Variants in OPCML observed in about 807,000 individuals in gnomAD.
OPCML encodes the protein opioid binding protein/cell adhesion molecule like.
In OPCML, 13 loss-of-function variants were observed where a neutral mutation model predicts 37.8. That is an observed-to-expected ratio of 0.34 (90% CI 0.22 to 0.55). OPCML has a LOEUF of 0.55. Ranked by LOEUF, OPCML falls within the 20% of genes least tolerant of loss-of-function variation. The pLI is 0.91. For missense variants in OPCML, 341 were observed against 435.6 expected (o/e 0.78, Z 1.93); for synonymous variants, 176 against 168.8 (o/e 1.04, Z -0.33).
At chr11:132,468,040 G>A (rs1173254240) in intron 4 of OPCML, among the ~76,000 whole-genome samples, 2 of 152,160 alleles carry the variant, frequency 1.3e-5, no homozygotes, top group Non-Finnish European at 2.9e-5. Context: ...CCTACAGGTT[G>A]AAAGGAAGGC....
At chr11:132,499,877 C>G (rs1484545285) in intron 4 of OPCML, among the ~76,000 whole-genome samples, 1 of 152,166 alleles carries the variant, frequency 6.6e-6, no homozygotes, top group Non-Finnish European at 1.5e-5. Context: ...CAAATCTAAG[C>G]CAACATTCGA....
chr11:132,760,515 G>C (rs145816838), intron 2 of OPCML, among the ~76,000 whole-genome samples: 1 of 150,916 alleles, frequency 6.6e-6, no homozygotes. Context: ...AGGATAGTTA[G>C]CTCTTCTTGT....
At chr11:133,362,431 G>A (rs964715327) in intron 1 of OPCML, among the ~76,000 whole-genome samples, 29 of 152,288 alleles carry the variant, frequency 1.9e-4, no homozygotes, top group African/African-American at 7.0e-4. Context: ...AGGACCAGGA[G>A]CCCATCCACC....
chr11:132,664,742 G>A (rs568176981), intron 2 of OPCML, among the ~76,000 whole-genome samples: 1 of 152,170 alleles, frequency 6.6e-6, no homozygotes. Flanking sequence ...GTTACAAATA[G>A]AGCCAACTTC....
chr11:133,428,367 C>A (rs1169879741), intron 1 of OPCML, among the ~76,000 whole-genome samples: 1 of 152,074 alleles, frequency 6.6e-6, no homozygotes, highest in Non-Finnish European at 1.5e-5. Flanking sequence ...CAATACTCTG[C>A]AGAAGTTTTA....
intron 2 of OPCML, among the ~76,000 whole-genome samples, chr11:132,742,797 C>T (rs956484806): frequency 2.0e-5 from 3 of 148,828 alleles, no homozygotes; most frequent in South Asian, 2.1e-4. Flanking sequence ...ATATAATGTA[C>T]AAGTACTCTA....
At chr11:133,238,188 G>A (rs757609801) in intron 1 of OPCML, among the ~76,000 whole-genome samples, 29 of 152,224 alleles carry the variant, frequency 1.9e-4, no homozygotes, top group Non-Finnish European at 3.2e-4. Context: ...TGACAGTCCC[G>A]GATAGCAGGA....
rs1164124044 is a variant in OPCML, at chr11:133,206,356, C to T, written c.62-263346G>A. Among the ~76,000 whole-genome samples the T allele has an allele frequency of 2.6e-5, 4 of 152,114 alleles. No individual in the cohort carries two copies. In the East Asian group the frequency reaches 7.7e-4, roughly 29 times the overall value. On this transcript the variant is annotated intron_variant, in intron 1 of 7. Coordinates refer to ENST00000524381, the MANE Select transcript of OPCML (RefSeq NM_001012393.5). This position sits in a 1 kb window ranked among gnomAD's most constrained non-coding sequence, Gnocchi z 4.7. Reference sequence around the variant, plus strand: ...ATGAGTTCAGTTCTGTATCTACTACCACGTAGCAATGAAACATTTAGGAAA... The same window carrying T: ...ATGAGTTCAGTTCTGTATCTACTACTACGTAGCAATGAAACATTTAGGAAA...
intron 1 of OPCML, among the ~76,000 whole-genome samples, chr11:132,973,834 C>G (rs1183374802): frequency 1.3e-5 from 2 of 152,194 alleles, no homozygotes; most frequent in Non-Finnish European, 2.9e-5. Flanking sequence ...TGATCATCTT[C>G]TACTTAAGAG....
At chr11:132,671,931 C>T (rs1033843590) in intron 2 of OPCML, among the ~76,000 whole-genome samples, 1 of 152,152 alleles carries the variant, frequency 6.6e-6, no homozygotes, top group Admixed American at 6.5e-5. Context: ...AGCCAATACA[C>T]CACCTTAATT....
At chr11:132,768,843 GC>G (rs1565848484) in intron 2 of OPCML, among the ~76,000 whole-genome samples, 1 of 152,164 alleles carries the variant, frequency 6.6e-6, no homozygotes, top group Non-Finnish European at 1.5e-5. Flanking sequence ...CCCTCGCCAA[GC>G]CCACAGGTAG....
intron 2 of OPCML, among the ~76,000 whole-genome samples, chr11:132,760,188 C>T (rs969169007): frequency 3.9e-5 from 6 of 152,070 alleles, no homozygotes; most frequent in African/African-American, 1.2e-4. Context: ...TCCATTCTTT[C>T]ACATTTGCTG....
At chr11:132,480,213 A>G (rs1459268283) in intron 4 of OPCML, among the ~76,000 whole-genome samples, 4 of 152,318 alleles carry the variant, frequency 2.6e-5, no homozygotes, top group East Asian at 1.9e-4. Flanking sequence ...TGAGAACTAC[A>G]TGAAGAATGC....
At chr11:132,593,312 G>A (rs956368337) in intron 3 of OPCML, among the ~76,000 whole-genome samples, 5 of 152,172 alleles carry the variant, frequency 3.3e-5, no homozygotes, top group African/African-American at 1.2e-4. Context: ...GGAAGGCGAA[G>A]TGGTGGAGGC....
At chr11:132,534,283 C>T (rs1175621150) in intron 3 of OPCML, among the ~76,000 whole-genome samples, 1 of 152,134 alleles carries the variant, frequency 6.6e-6, no homozygotes, top group African/African-American at 2.4e-5. Context: ...ATAAAACATA[C>T]ATAGTTTTGT....
chr11:133,485,091 A>G (rs754404100), intron 1 of OPCML, among the ~76,000 whole-genome samples: 1 of 152,168 alleles, frequency 6.6e-6, no homozygotes, highest in Non-Finnish European at 1.5e-5. Context: ...GAGAAGAAAA[A>G]GAGAAACATC....
chr11:132,880,345 A>C (rs1468096713), intron 2 of OPCML, among the ~76,000 whole-genome samples: 1 of 152,186 alleles, frequency 6.6e-6, no homozygotes, highest in African/African-American at 2.4e-5. Flanking sequence ...GTCTGTGCCT[A>C]TATCTCTTCT....
chr11:133,518,466 A>T (rs1012567800), intron 1 of OPCML, among the ~76,000 whole-genome samples: 2 of 151,000 alleles, frequency 1.3e-5, no homozygotes, highest in Non-Finnish European at 3.0e-5. Context: ...TGTGTGTATA[A>T]GTGTGTGCAT....
At chr11:132,921,229 G>C (rs1341085731) in intron 2 of OPCML, among the ~76,000 whole-genome samples, 1 of 152,062 alleles carries the variant, frequency 6.6e-6, no homozygotes, top group African/African-American at 2.4e-5. Flanking sequence ...AGACATCATG[G>C]GTGATCATGG....
Sources: allele counts gnomAD v4.1 joint callset (sites outside exome capture counted in the v4.1 genomes callset), GRCh38; gene constraint gnomAD v4.1.1; non-coding constraint Gnocchi (gnomAD v3.1); transcripts MANE v1.5; gene names NCBI Gene and HGNC (gene_info 2026-07-23, HGNC 2026-07-21).